USP25: variants seen among roughly 807,000 people sequenced by gnomAD.
USP25 encodes the protein ubiquitin carboxyl-terminal hydrolase 25.
USP25 carries 85 observed loss-of-function variants against 158.5 expected under a neutral mutation model. The observed-to-expected ratio is 0.54, with a 90% CI of 0.45 to 0.64. USP25 has a LOEUF of 0.64. Ranked by LOEUF, USP25 falls within the 30% of genes least tolerant of loss-of-function variation. The pLI, the probability that USP25 is intolerant of heterozygous loss-of-function variation, is 0.00. For missense variants in USP25, 1,242 were observed against 1,327.3 expected (o/e 0.94, Z 1.00); for synonymous variants, 464 against 460.4 (o/e 1.01, Z -0.10).
At chr21:15,812,063 G>T (rs977064465) in intron 9 of USP25, among the ~76,000 whole-genome samples, 2 of 151,668 alleles carry the variant, frequency 1.3e-5, no homozygotes, top group Non-Finnish European at 2.9e-5. Flanking sequence ...TGACATGTTC[G>T]TACGTTTTTG....
intron 1 of USP25, among the ~76,000 whole-genome samples, chr21:15,743,789 T>G (rs554039936): frequency 2.6e-5 from 4 of 152,050 alleles, no homozygotes; most frequent in African/African-American, 9.6e-5. Flanking sequence ...TAGGAATTGG[T>G]CTACTGTGGC....
intron 1 of USP25, among the ~76,000 whole-genome samples, chr21:15,735,610 G>C (rs900735641): frequency 1.3e-5 from 2 of 152,154 alleles, no homozygotes; most frequent in African/African-American, 4.8e-5. Context: ...ATTAAGATAA[G>C]GTTAGCTCAT....
chr21:15,750,964 A>G (rs2032970747), intron 1 of USP25, among the ~76,000 whole-genome samples: 2 of 152,150 alleles, frequency 1.3e-5, no homozygotes, highest in African/African-American at 4.8e-5. Flanking sequence ...ATACACTGTT[A>G]GTATACAGAA....
In USP25 at chr21:15,850,087, TTTTA is replaced by T. The variant is rs534117109; in HGVS notation, c.2547+219_2547+222del. Among the ~76,000 whole-genome samples the T allele has an allele frequency of 3.6e-3, 551 of 152,186 alleles. 3 individuals carry two copies. The highest frequency in any genetic ancestry group is 5.9e-3 in the Non-Finnish European group (401 of 67,986). ...TCCAGGTAATTCAAGAAAAAAATCT[TTTTA>T]TTTGAGTCACTCTAATAGTGTGCTT... On this transcript the variant is annotated intron_variant, in intron 20 of 25. Coordinates refer to ENST00000400183, the MANE Select transcript of USP25 (RefSeq NM_001283041.3).
At position 15,831,591 on chromosome 21, in the gene USP25, T is replaced by G; in HGVS notation, c.1955T>G (p.Leu652Ter). 2 of 1,613,948 alleles carry G rather than the reference T, an allele frequency of 1.2e-6. No homozygotes were observed. Among genetic ancestry groups the G allele is most frequent in the Non-Finnish European group, 1.7e-6 (2 of 1,179,904 alleles). ...TATAGAAATGCCAGTGCATACTGTT[T>G]AATGTACATAAATGATAAGGCACAG... Reference protein sequence around the residue: ...GGYRNASAYCLMYINDKAQFL... With the variant: ...GGYRNASAYC The change falls in exon 16 of 26, where the codon TTA becomes TGA. Residue 652 changes from leucine to a stop codon, truncating the protein, a stop_gained. Transcript: ENST00000400183. LOFTEE classifies it high-confidence loss of function.
intron 8 of USP25, 130 bp downstream of exon 8, chr21:15,809,015 G>A (rs2036528806): frequency 1.5e-6 from 1 of 652,636 alleles, no homozygotes; most frequent in African/African-American, 1.9e-5. Flanking sequence ...TTATTGACAA[G>A]CTGTTTAGAA....
intron 2 of USP25, 35 bp downstream of exon 2, chr21:15,763,003 T>G (rs764385188): frequency 2.9e-5 from 45 of 1,576,550 alleles, no homozygotes; most frequent in Non-Finnish European, 3.6e-5. Flanking sequence ...CAGTTTGTGG[T>G]ATATGCTCAT....
chr21:15,748,349 A>G (rs1456786948), intron 1 of USP25, among the ~76,000 whole-genome samples: 5 of 151,690 alleles, frequency 3.3e-5, no homozygotes, highest in African/African-American at 1.2e-4. Context: ...TGGCATAATC[A>G]TAGCCTGCTT....
At chr21:15,764,170 G>A (rs369828365) in intron 2 of USP25, among the ~76,000 whole-genome samples, 12 of 152,014 alleles carry the variant, frequency 7.9e-5, no homozygotes, top group African/African-American at 2.4e-4. Flanking sequence ...TGATTATGAC[G>A]TTTAGATAAT....
intron 19 of USP25, among the ~76,000 whole-genome samples, chr21:15,848,356 G>A (rs186626560): frequency 2.0e-5 from 3 of 152,134 alleles, no homozygotes; most frequent in African/African-American, 7.2e-5. Flanking sequence ...ACAGTATGGA[G>A]GCATTTTTGT....
chr21:15,821,586 A>G (rs906692019), intron 10 of USP25, among the ~76,000 whole-genome samples: 3 of 151,970 alleles, frequency 2.0e-5, no homozygotes, highest in African/African-American at 7.2e-5. Flanking sequence ...GACATGTACC[A>G]TATTAGACAT....
At chr21:15,737,994 G>A (rs1012699300) in intron 1 of USP25, among the ~76,000 whole-genome samples, 1 of 152,114 alleles carries the variant, frequency 6.6e-6, no homozygotes. Flanking sequence ...AAATTGTGGA[G>A]CATTTCTTAT....
chr21:15,772,236 G>A (rs1309213986), intron 3 of USP25, among the ~76,000 whole-genome samples: 1 of 152,210 alleles, frequency 6.6e-6, no homozygotes, highest in Admixed American at 6.5e-5. Context: ...TTGGTAGTTG[G>A]TGTATAAGTT....
At chr21:15,793,202 C>T (rs1178651112) in intron 5 of USP25, among the ~76,000 whole-genome samples, 1 of 151,508 alleles carries the variant, frequency 6.6e-6, no homozygotes, top group Non-Finnish European at 1.5e-5. Flanking sequence ...AGAAGCTTTT[C>T]TTAGAAAGGT....
chr21:15,829,428 A>G (rs946137563), intron 14 of USP25, among the ~76,000 whole-genome samples: 16 of 152,198 alleles, frequency 1.1e-4, no homozygotes, highest in African/African-American at 3.9e-4. Flanking sequence ...ACTCCAAAAC[A>G]TTAAACCAGT....
At chr21:15,753,411 A>T (rs373722408) in intron 1 of USP25, among the ~76,000 whole-genome samples, 6 of 152,344 alleles carry the variant, frequency 3.9e-5, no homozygotes, top group African/African-American at 1.2e-4. Flanking sequence ...TAAGTTGATT[A>T]AATTCCTATA....
chr21:15,835,944 C>G (rs1426098855), intron 17 of USP25, among the ~76,000 whole-genome samples: 1 of 152,138 alleles, frequency 6.6e-6, no homozygotes, highest in East Asian at 1.9e-4. Flanking sequence ...TTGAATAAGA[C>G]TAATGTTTCA....
Position 15,830,609 on chromosome 21 carries a change from A to C in USP25, c.1764+8A>C, listed in dbSNP as rs766950633. 1 of 1,576,458 alleles carries C rather than the reference A, an allele frequency of 6.3e-7. No individual in the cohort carries two copies. Among genetic ancestry groups the C allele is most frequent in the Admixed American group, 1.8e-5 (1 of 55,744 alleles). On this transcript the variant is annotated splice_region_variant and intron_variant, in intron 15 of 25. Coordinates refer to ENST00000400183, the MANE Select transcript of USP25 (RefSeq NM_001283041.3). Reference sequence around the variant, plus strand: ...GACAAATCTATGATACAAGTAAGTGAAATTTTGAGCTAGTAATCATTGTCA... The same window carrying C: ...GACAAATCTATGATACAAGTAAGTGCAATTTTGAGCTAGTAATCATTGTCA...
At chr21:15,822,437 G>A (rs941560045) in intron 10 of USP25, among the ~76,000 whole-genome samples, 1 of 151,848 alleles carries the variant, frequency 6.6e-6, no homozygotes, top group African/African-American at 2.4e-5. Context: ...ATATTTCCTG[G>A]ACTTTTCATG....
Sources: gnomAD v4.1 joint callset for allele counts (sites outside exome capture counted in the v4.1 genomes callset) on GRCh38, gnomAD v4.1.1 for gene constraint, MANE v1.5 for transcripts, NCBI Gene and HGNC (gene_info 2026-07-23, HGNC 2026-07-21) for gene names.